ADAMTS2: variants seen among roughly 807,000 people sequenced by gnomAD.
ADAMTS2 encodes the protein ADAM metallopeptidase with thrombospondin type 1 motif 2, also known as A disintegrin and metalloproteinase with thrombospondin motifs 2.
Under a neutral mutation model 123.0 loss-of-function variants are expected in ADAMTS2, and 50 were observed. The ratio of observed to expected loss-of-function variants is 0.41; its 90% CI spans 0.32 to 0.51. The LOEUF (loss-of-function observed/expected upper bound fraction) is 0.51, where lower values mean the gene tolerates loss of function less well. Ranked by LOEUF, ADAMTS2 falls within the 20% of genes least tolerant of loss-of-function variation. The pLI, the probability that ADAMTS2 is intolerant of heterozygous loss-of-function variation, is 0.35. For synonymous variants in ADAMTS2, 678 were observed against 695.4 expected, an observed-to-expected ratio of 0.98 and a Z score of 0.39; for missense variants, 1,494 against 1,705.2, an observed-to-expected ratio of 0.88 and a Z score of 2.18.
At chr5:179,146,685 CT>C (rs1013375498) in intron 10 of ADAMTS2, among the ~76,000 whole-genome samples, 1 of 152,170 alleles carries the variant, frequency 6.6e-6, no homozygotes, top group Non-Finnish European at 1.5e-5. Context: ...TGAGCAACTG[CT>C]TTTGGTTTGA....
chr5:179,167,627 A>G (rs1763733111), intron 5 of ADAMTS2, among the ~76,000 whole-genome samples: 1 of 152,120 alleles, frequency 6.6e-6, no homozygotes, highest in African/African-American at 2.4e-5. Flanking sequence ...AGGCGCACTC[A>G]GCCAGCCCCG....
At chr5:179,200,083 G>C (rs79287550) in intron 4 of ADAMTS2, among the ~76,000 whole-genome samples, 9,562 of 152,168 alleles carry the variant, frequency 0.063, 347 homozygotes, top group Middle Eastern at 0.17. Context: ...GTGCGTTGGG[G>C]CCTGGGAGTT....
In ADAMTS2 at chr5:179,180,437, T is replaced by G. The variant is rs1290408182; in HGVS notation, c.975+635A>C. Among the ~76,000 whole-genome samples, 1 of 152,214 alleles carries G rather than the reference T, an allele frequency of 6.6e-6. No individual in the cohort carries two copies. The highest frequency in any genetic ancestry group is 2.4e-5 in the African/African-American group (1 of 41,456). On this transcript the variant is annotated intron_variant, in intron 5 of 21. Transcript: ENST00000251582. This position sits in a 1 kb window ranked among gnomAD's most constrained non-coding sequence, Gnocchi z 4.6. ...GGTCGTGTTAACCACGTGTTTCTGA[T>G]GCTTTGACATCCGAGCCTTGCTGAC...
intron 2 of ADAMTS2, among the ~76,000 whole-genome samples, chr5:179,283,577 A>G (rs557709388): frequency 1.0e-4 from 15 of 147,124 alleles, no homozygotes; most frequent in Non-Finnish European, 1.8e-4. Context: ...AAAATCCAGA[A>G]AAACAGAAAA....
At chr5:179,215,886 G>C (rs1307288438) in intron 3 of ADAMTS2, among the ~76,000 whole-genome samples, 1 of 152,184 alleles carries the variant, frequency 6.6e-6, no homozygotes, top group African/African-American at 2.4e-5. Flanking sequence ...AAAGCCTTCA[G>C]AATTCTGAAG....
chr5:179,325,394 C>T (rs1459009577), intron 2 of ADAMTS2, among the ~76,000 whole-genome samples: 2 of 152,160 alleles, frequency 1.3e-5, no homozygotes, highest in Non-Finnish European at 2.9e-5. Context: ...GAAGACAGGG[C>T]AGATGTCCTG....
chr5:179,197,806 G>T lies in ADAMTS2; in HGVS notation c.891+9707C>A, dbSNP rs1297991724. Among the ~76,000 whole-genome samples, 2 of 152,196 alleles carry T rather than the reference G, an allele frequency of 1.3e-5. No individual in the cohort carries two copies. The highest frequency in any genetic ancestry group is 6.5e-5 in the Admixed American group (1 of 15,278). On this transcript the variant is annotated intron_variant, in intron 4 of 21. Transcript: ENST00000251582. This position sits in a 1 kb window ranked among gnomAD's most constrained non-coding sequence, Gnocchi z 4.2. ...CTCCCATTTACCTGAGCCTGCAGAAGAGTCCCTGTCTGTACCTGGGGACGA... is the reference window on the plus strand; with the variant it reads ...CTCCCATTTACCTGAGCCTGCAGAATAGTCCCTGTCTGTACCTGGGGACGA...
rs1180168832 is a variant in ADAMTS2, at chr5:179,188,903, A to G, written c.892-7748T>C. On this transcript the variant is annotated intron_variant, in intron 4 of 21. Coordinates refer to ENST00000251582, the MANE Select transcript of ADAMTS2 (RefSeq NM_014244.5). The surrounding 1 kb of genome is among the most constrained non-coding windows in gnomAD (Gnocchi z 5.1). ...GCACTCCAGCAGGCACGTTGAGAAG[A>G]CAGGTCGCATTACAAACCTTCCCGG... Among the ~76,000 whole-genome samples, 1 of 152,134 alleles carries G rather than the reference A, an allele frequency of 6.6e-6. No individual in the cohort carries two copies. The highest frequency in any genetic ancestry group is 1.5e-5 in the Non-Finnish European group (1 of 68,024).
intron 3 of ADAMTS2, among the ~76,000 whole-genome samples, chr5:179,219,905 T>C (rs2174971): frequency 0.51 from 77,153 of 152,066 alleles, 20,210 homozygotes; most frequent in African/African-American, 0.59. Flanking sequence ...TCCAGCGGCC[T>C]CTGCAGCCCA....
intron 10 of ADAMTS2, among the ~76,000 whole-genome samples, chr5:179,148,098 G>A (rs918367521): frequency 6.6e-6 from 1 of 152,058 alleles, no homozygotes; most frequent in African/African-American, 2.4e-5. Context: ...CCCTGTGGCT[G>A]GCATCAAAGA....
At chr5:179,275,053 C>G (rs575752370) in intron 2 of ADAMTS2, among the ~76,000 whole-genome samples, 33 of 152,060 alleles carry the variant, frequency 2.2e-4, no homozygotes, top group Non-Finnish European at 4.4e-4. Flanking sequence ...GGTGGGTGGA[C>G]AGGAGCATCA....
At chr5:179,152,702 TC>T (rs1262437390) in intron 9 of ADAMTS2, among the ~76,000 whole-genome samples, 1 of 152,110 alleles carries the variant, frequency 6.6e-6, no homozygotes, top group Non-Finnish European at 1.5e-5. Flanking sequence ...TGATAGCACT[TC>T]CTGCAGGACG....
chr5:179,233,625 T>C (rs1375038178), intron 3 of ADAMTS2, among the ~76,000 whole-genome samples: 1 of 152,136 alleles, frequency 6.6e-6, no homozygotes, highest in Non-Finnish European at 1.5e-5. Flanking sequence ...AGGGAGAGGT[T>C]GCGGTGAGAG....
intron 3 of ADAMTS2, among the ~76,000 whole-genome samples, chr5:179,227,047 AAC>A (rs1482869217): frequency 6.6e-6 from 1 of 152,162 alleles, no homozygotes; most frequent in Non-Finnish European, 1.5e-5. Flanking sequence ...GAAAAACGAA[AAC>A]ACAGTATCTA....
rs1764218660 is a variant in ADAMTS2, at chr5:179,188,159, A to T, written c.892-7004T>A. Among the ~76,000 whole-genome samples the T allele has an allele frequency of 6.6e-6, 1 of 152,186 alleles. No individual in the cohort carries two copies. Among genetic ancestry groups the T allele is most frequent in the South Asian group, 2.1e-4 (1 of 4,834 alleles). ...CACCCCAACCTTCAGGAAAGTTCCC[A>T]TGTCCTTCGCTCAGCTGAGCTTTGG... On this transcript the variant is annotated intron_variant, in intron 4 of 21. Coordinates refer to ENST00000251582, the MANE Select transcript of ADAMTS2 (RefSeq NM_014244.5). This position sits in a 1 kb window ranked among gnomAD's most constrained non-coding sequence, Gnocchi z 5.1.
intron 2 of ADAMTS2, among the ~76,000 whole-genome samples, chr5:179,293,774 CA>C (rs1756253032): frequency 6.6e-6 from 1 of 151,884 alleles, no homozygotes; most frequent in Non-Finnish European, 1.5e-5. Context: ...CCACCACACC[CA>C]GCTAAATTTT....
intron 2 of ADAMTS2, among the ~76,000 whole-genome samples, chr5:179,326,704 G>A (rs375418846): frequency 1.3e-5 from 2 of 152,058 alleles, no homozygotes; most frequent in South Asian, 2.1e-4. Flanking sequence ...AGTAGTTACC[G>A]TCATCAGCTT....
At chr5:179,193,309 C>T (rs1022235498) in intron 4 of ADAMTS2, among the ~76,000 whole-genome samples, 11 of 152,198 alleles carry the variant, frequency 7.2e-5, no homozygotes, top group African/African-American at 2.4e-4. Flanking sequence ...TGATCTTCTC[C>T]GCCTACGCCG....
intron 5 of ADAMTS2, among the ~76,000 whole-genome samples, chr5:179,169,308 T>C (rs922518611): frequency 6.6e-6 from 1 of 152,230 alleles, no homozygotes; most frequent in Non-Finnish European, 1.5e-5. Context: ...ACATCAGTTC[T>C]GCTGGCGTCC....
Sources: allele counts gnomAD v4.1 joint callset (sites outside exome capture counted in the v4.1 genomes callset), GRCh38; gene constraint gnomAD v4.1.1; non-coding constraint Gnocchi (gnomAD v3.1); transcripts MANE v1.5; gene names NCBI Gene and HGNC (gene_info 2026-07-23, HGNC 2026-07-21).